The following LEKR1 variants were observed in gnomAD, a reference collection of about 807,000 sequenced individuals.
The protein encoded by LEKR1 is leucine, glutamate and lysine rich 1, also known as protein LEKR1.
In LEKR1, 59 loss-of-function variants were observed where a neutral mutation model predicts 72.4. The observed-to-expected ratio is 0.82, with a 90% CI of 0.66 to 1.01. The LOEUF (loss-of-function observed/expected upper bound fraction) is 1.01, where lower values mean the gene tolerates loss of function less well. Ranked by LOEUF, LEKR1 falls within the 50% of genes least tolerant of loss-of-function variation. LEKR1 has a pLI of 0.00. For synonymous variants in LEKR1, 257 were observed against 263.2 expected (o/e 0.98, Z 0.23); for missense variants, 728 against 759.2 (o/e 0.96, Z 0.48).
In LEKR1 at chr3:156,897,511, A is replaced by T. The variant is rs115318719; in HGVS notation, c.264-23064A>T. ...TTTAAGAAATACACTGGGTTGGTCC[A>T]GAAAGGCAGGACAACTCAAAGTGGT... On this transcript the variant is annotated intron_variant, in intron 3 of 12. Coordinates refer to ENST00000356539, the MANE Select transcript of LEKR1 (RefSeq NM_001004316.3). Among the ~76,000 whole-genome samples the T allele has an allele frequency of 8.0e-4, 121 of 152,144 alleles. 1 individual carries two copies. The highest frequency in any genetic ancestry group is 2.8e-3 in the African/African-American group (115 of 41,516).
chr3:156,871,909 C>A (rs916465410), intron 3 of LEKR1, among the ~76,000 whole-genome samples: 1 of 151,776 alleles, frequency 6.6e-6, no homozygotes, highest in Non-Finnish European at 1.5e-5. Context: ...TTAGTTGTGT[C>A]CTTGTCTGGC....
intron 4 of LEKR1, 108 bp from the exon 5 acceptor site, chr3:156,927,321 G>A (rs971308231): frequency 6.5e-6 from 2 of 305,378 alleles, no homozygotes; most frequent in African/African-American, 2.3e-5. Context: ...TTTCAAAATT[G>A]TCTCCAATTA....
At chr3:156,861,845 T>C (rs1716796423) in intron 3 of LEKR1, among the ~76,000 whole-genome samples, 1 of 152,054 alleles carries the variant, frequency 6.6e-6, no homozygotes, top group Admixed American at 6.6e-5. Flanking sequence ...TAAGATCAGC[T>C]AATCTTTTTA....
intron 9 of LEKR1, among the ~76,000 whole-genome samples, chr3:156,999,894 A>G (rs995778999): frequency 6.6e-6 from 1 of 152,200 alleles, no homozygotes; most frequent in Non-Finnish European, 1.5e-5. Context: ...GCTCAGGGTG[A>G]CATCATTGGC....
At chr3:156,847,936 A>G (rs1453655595) in intron 2 of LEKR1, among the ~76,000 whole-genome samples, 1 of 152,230 alleles carries the variant, frequency 6.6e-6, no homozygotes, top group Non-Finnish European at 1.5e-5. Flanking sequence ...ACATTCTAAT[A>G]GCTTTCACAA....
intron 3 of LEKR1, among the ~76,000 whole-genome samples, chr3:156,870,351 C>T (rs947551753): frequency 1.3e-5 from 2 of 151,956 alleles, no homozygotes. Flanking sequence ...AATGTCTTTT[C>T]ATTTCTTTTT....
intron 2 of LEKR1, among the ~76,000 whole-genome samples, chr3:156,836,195 C>T (rs1713122510): frequency 6.6e-6 from 1 of 151,964 alleles, no homozygotes; most frequent in Non-Finnish European, 1.5e-5. Context: ...TTTCTGATAT[C>T]CTCAAAAGTT....
chr3:156,940,154 T>C (rs1446951309), intron 5 of LEKR1, among the ~76,000 whole-genome samples: 1 of 152,148 alleles, frequency 6.6e-6, no homozygotes, highest in Non-Finnish European at 1.5e-5. Flanking sequence ...AGGCATTTAT[T>C]GAGCTCTTGT....
intron 7 of LEKR1, among the ~76,000 whole-genome samples, chr3:156,982,014 TA>T (rs1277275468): frequency 6.6e-6 from 1 of 152,220 alleles, no homozygotes; most frequent in Non-Finnish European, 1.5e-5. Context: ...TATTTGGATA[TA>T]AGTTTTGTGA....
chr3:156,912,836 A>G (rs948093729), intron 3 of LEKR1, among the ~76,000 whole-genome samples: 1 of 152,122 alleles, frequency 6.6e-6, no homozygotes, highest in African/African-American at 2.4e-5. Flanking sequence ...ACCACTCACT[A>G]TATCAGTTCC....
chr3:157,035,759 C>T (rs1214737869), intron 12 of LEKR1, among the ~76,000 whole-genome samples: 3 of 152,038 alleles, frequency 2.0e-5, no homozygotes, highest in Non-Finnish European at 2.9e-5. Context: ...ATTAGCCTGT[C>T]GTGGTGCTGC....
chr3:156,901,930 C>T (rs1048182905), intron 3 of LEKR1, among the ~76,000 whole-genome samples: 6 of 152,224 alleles, frequency 3.9e-5, no homozygotes, highest in Admixed American at 1.3e-4. Context: ...GTGATCCAAA[C>T]GCCTTGGCCT....
At chr3:157,027,762 C>CA (rs752274125) in intron 11 of LEKR1, among the ~76,000 whole-genome samples, 1 of 152,018 alleles carries the variant, frequency 6.6e-6, no homozygotes, top group Non-Finnish European at 1.5e-5. Context: ...TGCTGAGAGC[C>CA]ATGATTACAC....
chr3:157,009,492 T>A (rs541811138), intron 9 of LEKR1, among the ~76,000 whole-genome samples: 1 of 152,154 alleles, frequency 6.6e-6, no homozygotes, highest in African/African-American at 2.4e-5. Flanking sequence ...GTCAATTCCA[T>A]ATGAGCTGGA....
intron 6 of LEKR1, among the ~76,000 whole-genome samples, chr3:156,945,492 C>A (rs189372441): frequency 1.3e-5 from 2 of 151,534 alleles, no homozygotes; most frequent in East Asian, 1.9e-4. Context: ...TGGCTGCCTG[C>A]GCTTGTGGGG....
intron 6 of LEKR1, among the ~76,000 whole-genome samples, chr3:156,973,821 C>T (rs1729457731): frequency 6.6e-6 from 1 of 152,122 alleles, no homozygotes; most frequent in Non-Finnish European, 1.5e-5. Flanking sequence ...ACCAGAGACA[C>T]TACTTTGTAT....
rs529717966 is a variant in LEKR1, at chr3:157,034,608, A to G, written c.1668+6206A>G. 1.4e-3 allele frequency among the ~76,000 whole-genome samples: 214 copies of G among 152,328 alleles called. 1 individual carries two copies. The highest frequency in any genetic ancestry group is 5.0e-3 in the African/African-American group (207 of 41,586). On this transcript the variant is annotated intron_variant, in intron 12 of 12. Transcript: ENST00000356539. ...TACTCCTGTGAAGATGCTGCAAAAA[A>G]TATTGAAATTACAACAAAGGATTTG...
chr3:156,983,932 G>A (rs987204572), intron 7 of LEKR1, among the ~76,000 whole-genome samples: 3 of 151,656 alleles, frequency 2.0e-5, no homozygotes, highest in East Asian at 1.9e-4. Context: ...CTCCCCCCAA[G>A]TCCCCCCAAA....
rs140625498 is a variant in LEKR1, at chr3:156,998,520, A to C, written c.1109+5243A>C. On this transcript the variant is annotated intron_variant, in intron 9 of 12. Transcript: ENST00000356539. ...AAACTCCAAGAAAAAATACAGAAAG[A>C]GATTTATTGTGATCAATTTGCCCAT... Among the ~76,000 whole-genome samples the C allele has an allele frequency of 5.6e-3, 859 of 152,284 alleles. 4 individuals are homozygous for C. Among genetic ancestry groups the C allele is most frequent in the African/African-American group, 0.019 (808 of 41,552 alleles).
Sources: gnomAD v4.1 joint callset for allele counts (sites outside exome capture counted in the v4.1 genomes callset) on GRCh38, gnomAD v4.1.1 for gene constraint, MANE v1.5 for transcripts, NCBI Gene and HGNC (gene_info 2026-07-23, HGNC 2026-07-21) for gene names.